The following RBFOX1 variants were observed in gnomAD, a reference collection of about 807,000 sequenced individuals.
The protein encoded by RBFOX1 is RNA binding fox-1 homolog 1, also known as RNA binding protein fox-1 homolog 1.
Under a neutral mutation model 57.7 loss-of-function variants are expected in RBFOX1, and 8 were observed. That is an observed-to-expected ratio of 0.14 (90% CI 0.08 to 0.25). RBFOX1 has a LOEUF of 0.25. RBFOX1 is among the 10% of genes least tolerant of loss of function. The pLI, the probability that RBFOX1 is intolerant of heterozygous loss-of-function variation, is 1.00. For synonymous variants in RBFOX1, 326 were observed against 222.4 expected, an observed-to-expected ratio of 1.47 and a Z score of -4.15; for missense variants, 611 against 548.5, an observed-to-expected ratio of 1.11 and a Z score of -1.14.
At chr16:6,974,800 T>C (rs772897733) in intron 3 of RBFOX1, among the ~76,000 whole-genome samples, 3 of 152,176 alleles carry the variant, frequency 2.0e-5, no homozygotes, top group Non-Finnish European at 4.4e-5. Flanking sequence ...TTGATGAAGT[T>C]TGCCAGTCAC....
chr16:6,328,097 A>G (rs1030046779), intron 2 of RBFOX1, among the ~76,000 whole-genome samples: 4 of 152,226 alleles, frequency 2.6e-5, no homozygotes, highest in African/African-American at 7.2e-5. Context: ...CACATAATGG[A>G]ATACTACTCA....
chr16:5,378,861 T>C (rs1407585926), intron 1 of RBFOX1, among the ~76,000 whole-genome samples: 1 of 151,620 alleles, frequency 6.6e-6, no homozygotes, highest in Admixed American at 6.5e-5. Context: ...ATGTTCATTT[T>C]ATGATTATGG....
intron 3 of RBFOX1, among the ~76,000 whole-genome samples, chr16:6,884,806 G>C (rs979988823): frequency 6.6e-6 from 1 of 152,156 alleles, no homozygotes; most frequent in African/African-American, 2.4e-5. Flanking sequence ...GCTGAGGCAG[G>C]AGAATCTCTT....
At chr16:7,084,699 G>C (rs537404308) in intron 4 of RBFOX1, among the ~76,000 whole-genome samples, 9 of 152,308 alleles carry the variant, frequency 5.9e-5, no homozygotes, top group Non-Finnish European at 7.4e-5. Flanking sequence ...AGTGAAATGA[G>C]GTTTCTCCGT....
chr16:6,441,648 C>A (rs914147638), intron 2 of RBFOX1, among the ~76,000 whole-genome samples: 3 of 152,134 alleles, frequency 2.0e-5, no homozygotes, highest in Non-Finnish European at 4.4e-5. Context: ...GAACTCCTCA[C>A]CTCAGGTGAT....
intron 3 of RBFOX1, among the ~76,000 whole-genome samples, chr16:5,699,990 G>T (rs899330926): frequency 6.6e-6 from 1 of 151,924 alleles, no homozygotes; most frequent in African/African-American, 2.4e-5. Context: ...CCGCCACCAC[G>T]CCCGGCTAAT....
At chr16:5,674,466 G>T (rs534542755) in intron 3 of RBFOX1, among the ~76,000 whole-genome samples, 4 of 152,156 alleles carry the variant, frequency 2.6e-5, no homozygotes, top group Admixed American at 6.5e-5. Flanking sequence ...TCAGTCTCAC[G>T]TTTGACTCCA....
At chr16:7,177,470 A>AT (rs2081910164) in intron 4 of RBFOX1, among the ~76,000 whole-genome samples, 1 of 150,056 alleles carries the variant, frequency 6.7e-6, no homozygotes, top group Admixed American at 6.6e-5. Context: ...GTAAATGGGT[A>AT]CAGATAGTAT....
At chr16:6,193,383 ATATATATAC>A (rs1470296502) in intron 1 of RBFOX1, among the ~76,000 whole-genome samples, 16 of 61,794 alleles carry the variant, frequency 2.6e-4, no homozygotes, top group African/African-American at 7.5e-4. Context: ...TATACATTAT[ATATATATAC>A]TATATATATA....
At chr16:6,863,578 G>C (rs1188704617) in intron 3 of RBFOX1, among the ~76,000 whole-genome samples, 1 of 149,284 alleles carries the variant, frequency 6.7e-6, no homozygotes, top group Admixed American at 6.7e-5. Flanking sequence ...TTAAAGATGT[G>C]ATCTGTTCCT....
chr16:6,789,068 C>A (rs968565966), intron 3 of RBFOX1, among the ~76,000 whole-genome samples: 1 of 152,034 alleles, frequency 6.6e-6, no homozygotes, highest in Non-Finnish European at 1.5e-5. Context: ...CGCGAAATTG[C>A]CTATTAAACA....
intron 3 of RBFOX1, among the ~76,000 whole-genome samples, chr16:7,029,069 T>TACATATATATATATATATATAC (rs1393660608): frequency 1.8e-5 from 1 of 55,602 alleles, no homozygotes; most frequent in Non-Finnish European, 2.8e-5. Context: ...TATATATATA[T>TACATATATATATATATATATAC]ATATATATAT....
At chr16:6,689,126 G>A (rs765746457) in intron 3 of RBFOX1, among the ~76,000 whole-genome samples, 4 of 152,164 alleles carry the variant, frequency 2.6e-5, no homozygotes, top group Non-Finnish European at 5.9e-5. Context: ...ATAGCAGAAT[G>A]ATTTATAATC....
chr16:7,204,907 A>C (rs186955630), intron 4 of RBFOX1, among the ~76,000 whole-genome samples: 2 of 152,152 alleles, frequency 1.3e-5, no homozygotes, highest in African/African-American at 4.8e-5. Flanking sequence ...TCATCTTTCT[A>C]TGTCTCTTGC....
intron 1 of RBFOX1, among the ~76,000 whole-genome samples, chr16:6,308,504 C>G (rs1335507388): frequency 6.6e-6 from 1 of 152,094 alleles, no homozygotes; most frequent in Admixed American, 6.6e-5. Flanking sequence ...ACTGGTGGAC[C>G]CTAGTTTGCT....
At chr16:5,753,937 C>G (rs973528058) in intron 3 of RBFOX1, among the ~76,000 whole-genome samples, 1 of 152,162 alleles carries the variant, frequency 6.6e-6, no homozygotes, top group Admixed American at 6.5e-5. Context: ...CCATCCCCCA[C>G]TCCTCTCTAG....
intron 2 of RBFOX1, among the ~76,000 whole-genome samples, chr16:5,527,713 T>A (rs1413479339): frequency 6.6e-6 from 1 of 152,180 alleles, no homozygotes; most frequent in East Asian, 1.9e-4. Flanking sequence ...GTGGGAGATT[T>A]AAGCCCTCTA....
chr16:6,127,547 A>G (rs2096598815), intron 1 of RBFOX1, among the ~76,000 whole-genome samples: 1 of 152,176 alleles, frequency 6.6e-6, no homozygotes, highest in African/African-American at 2.4e-5. Context: ...CCTTGCAGAA[A>G]TGAATTGCAG....
chr16:7,691,437 C>T (rs1055402411), intron 14 of RBFOX1, among the ~76,000 whole-genome samples: 10 of 139,920 alleles, frequency 7.1e-5, no homozygotes, highest in South Asian at 4.5e-4. Context: ...GGAAAGAAAA[C>T]GGAAAGGAAA....
Sources: gnomAD v4.1 joint callset for allele counts (sites outside exome capture counted in the v4.1 genomes callset) on GRCh38, gnomAD v4.1.1 for gene constraint, MANE v1.5 for transcripts, NCBI Gene and HGNC (gene_info 2026-07-23, HGNC 2026-07-21) for gene names.